The following FAM184A variants were observed in gnomAD, a reference collection of about 807,000 sequenced individuals.
FAM184A encodes the protein protein FAM184A.
FAM184A carries 99 observed loss-of-function variants against 143.8 expected under a neutral mutation model. The observed-to-expected ratio is 0.69, with a 90% confidence interval of 0.58 to 0.81. The LOEUF is 0.81. Among genes scored for constraint, FAM184A ranks in the 40% least tolerant of loss-of-function variants. FAM184A has a pLI of 0.00. For missense variants in FAM184A, 1,217 were observed against 1,310.5 expected, an observed-to-expected ratio of 0.93 and a Z score of 1.10; for synonymous variants, 427 against 446.4, an observed-to-expected ratio of 0.96 and a Z score of 0.55.
chr6:119,067,855 CCAGCTACT>C (rs1289172283), intron 1 of FAM184A, among the ~76,000 whole-genome samples: 2 of 152,020 alleles, frequency 1.3e-5, no homozygotes, highest in African/African-American at 4.8e-5. Context: ...ACCTATAATC[CCAGCTACT>C]CAGAAAACTG....
chr6:119,093,084 A>T (rs574051621), intron 1 of FAM184A, among the ~76,000 whole-genome samples: 1 of 152,286 alleles, frequency 6.6e-6, no homozygotes, highest in East Asian at 1.9e-4. Context: ...CATTGACCCT[A>T]GAAGGCTCAA....
chr6:119,115,787 ACCC>A (rs1399911309), intron 1 of FAM184A, among the ~76,000 whole-genome samples: 2 of 147,452 alleles, frequency 1.4e-5, no homozygotes, highest in Non-Finnish European at 3.0e-5. Context: ...ACATGGTGAA[ACCC>A]CATCTCTACT....
In FAM184A at chr6:119,024,021, T is replaced by A. The variant is rs1292074595; in HGVS notation, c.952A>T (p.Ser318Cys). Residue 318 changes from serine to cysteine, a missense_variant, in exon 2 of 18, where the codon AGT becomes TGT. Physicochemically the swap from Ser to Cys is moderately radical, Grantham distance 112. Coordinates refer to ENST00000338891, the MANE Select transcript of FAM184A (RefSeq NM_024581.6). ...AGCTTTTGGCATTTGTCAAGAAGAC[T>A]TCCAGCTTCATCCTGTACCATCTGT... is the stretch of plus-strand genomic sequence containing the variant. ...ELQMVQDEAG[S>C]LLDKCQKLQT... 6.2e-7 allele frequency: 1 copy of A among 1,611,576 alleles called. No homozygotes were observed. The highest frequency in any genetic ancestry group is 1.1e-5 in the South Asian group (1 of 90,544).
At chr6:118,998,698 C>A (rs1166987359) in intron 9 of FAM184A, among the ~76,000 whole-genome samples, 1 of 152,150 alleles carries the variant, frequency 6.6e-6, no homozygotes, top group Non-Finnish European at 1.5e-5. Flanking sequence ...GGTGCAAAGT[C>A]CCCAAGATGG....
intron 1 of FAM184A, among the ~76,000 whole-genome samples, chr6:119,091,024 G>GA (rs1164389459): frequency 6.6e-6 from 1 of 152,168 alleles, no homozygotes; most frequent in African/African-American, 2.4e-5. Flanking sequence ...TTGCCAGTAT[G>GA]AAAAATGCCT....
chr6:119,053,859 G>A (rs1423491448), intron 1 of FAM184A, among the ~76,000 whole-genome samples: 17 of 152,160 alleles, frequency 1.1e-4, no homozygotes, highest in Admixed American at 1.1e-3. Context: ...AGAATTCTTA[G>A]AGAAGCGTCT....
intron 1 of FAM184A, among the ~76,000 whole-genome samples, chr6:119,119,771 G>A (rs1271058088): frequency 6.6e-6 from 1 of 152,038 alleles, no homozygotes; most frequent in South Asian, 2.1e-4. Context: ...AGGAGTTCAA[G>A]ACTGGCCTGA....
intron 9 of FAM184A, among the ~76,000 whole-genome samples, chr6:118,989,107 G>A (rs1274206761): frequency 2.6e-5 from 4 of 151,898 alleles, no homozygotes; most frequent in Non-Finnish European, 5.9e-5. Flanking sequence ...GACTACAGGC[G>A]CCTGCCACTG....
chr6:118,990,954 G>A (rs1784358776), intron 9 of FAM184A, among the ~76,000 whole-genome samples: 1 of 151,750 alleles, frequency 6.6e-6, no homozygotes, highest in Non-Finnish European at 1.5e-5. Context: ...TAAGTGCAGG[G>A]TGAGATACAG....
intron 1 of FAM184A, chr6:119,069,112 T>C: frequency 2.9e-6 from 1 of 346,026 alleles, no homozygotes; most frequent in Non-Finnish European, 6.5e-6. Context: ...AAAACCACAA[T>C]TACTTTTGCG....
chr6:118,994,738 AAGCC>A (rs1784494041), intron 9 of FAM184A, among the ~76,000 whole-genome samples: 1 of 92,310 alleles, frequency 1.1e-5, no homozygotes. Context: ...AATAAATAAA[AAGCC>A]AGAGGGTTAT....
chr6:118,999,423 T>TAGGAC (rs1170859002), intron 9 of FAM184A, among the ~76,000 whole-genome samples: 1 of 152,188 alleles, frequency 6.6e-6, no homozygotes, highest in African/African-American at 2.4e-5. Flanking sequence ...AAGTCAAGGT[T>TAGGAC]TTCCACAATA....
At chr6:119,042,693 TACA>T (rs1157121780) in intron 1 of FAM184A, among the ~76,000 whole-genome samples, 4 of 152,220 alleles carry the variant, frequency 2.6e-5, no homozygotes, top group Non-Finnish European at 5.9e-5. Flanking sequence ...CCCTAGGATG[TACA>T]ACATCAAGAA....
At chr6:119,125,471 CTGT>C (rs1321097150) in intron 1 of FAM184A, among the ~76,000 whole-genome samples, 1 of 152,122 alleles carries the variant, frequency 6.6e-6, no homozygotes, top group African/African-American at 2.4e-5. Context: ...TGAGGTTTCA[CTGT>C]GTTGTCCAGG....
Position 119,108,348 on chromosome 6 carries a change from G to A in FAM184A, c.-202+40730C>T, listed in dbSNP as rs538682373. ...AGAGTGGAACCATCACCAAGAACTC[G>A]AGTCTCTTCTCTCTTCTGAAATGCT... On this transcript the variant is annotated intron_variant, in intron 1 of 16. Transcript: ENST00000352896. 4.6e-5 allele frequency among the ~76,000 whole-genome samples: 7 copies of A among 152,142 alleles called. No individual in the cohort carries two copies. In the South Asian group the frequency reaches 1.5e-3, roughly 32 times the overall value.
chr6:119,084,718 A>C (rs1788168824), intron 1 of FAM184A, among the ~76,000 whole-genome samples: 1 of 152,240 alleles, frequency 6.6e-6, no homozygotes, highest in Non-Finnish European at 1.5e-5. Context: ...GAGGTTCTCC[A>C]TGAGGGCTCT....
At chr6:119,023,562 C>CAA (rs1554269170) in intron 2 of FAM184A, among the ~76,000 whole-genome samples, 1 of 118,204 alleles carries the variant, frequency 8.5e-6, no homozygotes, top group Non-Finnish European at 1.7e-5. Flanking sequence ...TCCGCCCCCC[C>CAA]CCCCAGGAAC....
intron 1 of FAM184A, among the ~76,000 whole-genome samples, chr6:119,090,255 G>T (rs1220574554): frequency 1.3e-5 from 2 of 152,352 alleles, no homozygotes. Flanking sequence ...CTTGTAAAAT[G>T]AATCTCAGAA....
intron 14 of FAM184A, among the ~76,000 whole-genome samples, chr6:118,969,993 A>ATAAAATATGTATATATATATATAT (rs1189865476): frequency 4.1e-5 from 1 of 24,384 alleles, no homozygotes; most frequent in Non-Finnish European, 7.8e-5. Context: ...ATATATATAT[A>ATAAAATATGTATATATATATATAT]ATATATATAT....
Sources: gnomAD v4.1 joint callset for allele counts (sites outside exome capture counted in the v4.1 genomes callset) on GRCh38, gnomAD v4.1.1 for gene constraint, MANE v1.5 for transcripts, NCBI Gene and HGNC (gene_info 2026-07-23, HGNC 2026-07-21) for gene names.